Variants in CSMD1 observed in about 807,000 individuals in gnomAD.
CSMD1 encodes CUB and sushi domain-containing protein 1.
CSMD1 carries 213 observed loss-of-function variants against 417.5 expected under a neutral mutation model. The observed-to-expected ratio is 0.51, with a 90% CI of 0.46 to 0.57. CSMD1 has a LOEUF of 0.57. Ranked by LOEUF, CSMD1 falls within the 20% of genes least tolerant of loss-of-function variation. The pLI, the probability that CSMD1 is intolerant of heterozygous loss-of-function variation, is 0.00. For synonymous variants in CSMD1, 2,862 were observed against 1,736.8 expected (o/e 1.65, Z -16.11); for missense variants, 6,923 against 4,529.7 (o/e 1.53, Z -15.17).
chr8:3,134,466 A>C (rs1817967103), intron 41 of CSMD1, among the ~76,000 whole-genome samples: 1 of 152,220 alleles, frequency 6.6e-6, no homozygotes. Context: ...CACAGCCGTA[A>C]AACTTGAGAG....
In CSMD1 at chr8:3,284,167, G is replaced by C. The variant is rs1210337382; in HGVS notation, c.4130C>G (p.Ser1377Cys). 1.3e-6 allele frequency: 2 copies of C among 1,576,766 alleles called. No individual in the cohort carries two copies. The highest frequency in any genetic ancestry group is 2.3e-5 in the South Asian group (2 of 86,426). ...ACTGGAGAACTGGATGGAGAAGCCA[G>C]ACTTGCTGATGAAGAAGTCGCTGTC... Reference protein sequence around the residue: ...QFDSDFFISKSGFSIQFSTSI... With the variant: ...QFDSDFFISKCGFSIQFSTSI... The change falls in exon 26 of 70, where the codon TCT (serine) becomes TGT (cysteine). Residue 1377 changes from serine (S) to cysteine (C), a missense_variant. Transcript: ENST00000635120.
chr8:3,262,215 A>ATC (rs1801129303), intron 26 of CSMD1, among the ~76,000 whole-genome samples: 7 of 128,854 alleles, frequency 5.4e-5, no homozygotes, highest in African/African-American at 2.2e-4. Flanking sequence ...ATATATATAT[A>ATC]TATATATATA....
intron 1 of CSMD1, among the ~76,000 whole-genome samples, chr8:4,715,712 G>A (rs1034384850): frequency 6.6e-6 from 1 of 152,000 alleles, no homozygotes; most frequent in African/African-American, 2.4e-5. Context: ...CAAACACCAA[G>A]GTATCACCCT....
intron 5 of CSMD1, among the ~76,000 whole-genome samples, chr8:3,995,631 T>C (rs928309683): frequency 4.6e-5 from 7 of 152,220 alleles, no homozygotes; most frequent in Admixed American, 3.9e-4. Flanking sequence ...TGCCATCTCT[T>C]GTCCTCTGCA....
intron 1 of CSMD1, among the ~76,000 whole-genome samples, chr8:4,825,989 G>A (rs567490629): frequency 1.3e-5 from 2 of 152,036 alleles, no homozygotes; most frequent in East Asian, 1.9e-4. Context: ...AAAAGAACAA[G>A]TGTTGGGGAG....
At chr8:4,130,707 A>G (rs1048057021) in intron 3 of CSMD1, among the ~76,000 whole-genome samples, 4 of 138,042 alleles carry the variant, frequency 2.9e-5, no homozygotes, top group African/African-American at 8.1e-5. Context: ...AGGGGAGTAG[A>G]TAACACATGA....
chr8:4,214,488 G>A (rs957608796), intron 3 of CSMD1, among the ~76,000 whole-genome samples: 1 of 152,108 alleles, frequency 6.6e-6, no homozygotes, highest in African/African-American at 2.4e-5. Flanking sequence ...GGTAGTGAAA[G>A]GGTCTTCCTC....
chr8:3,640,464 A>G (rs1797252657), intron 7 of CSMD1, among the ~76,000 whole-genome samples: 1 of 152,214 alleles, frequency 6.6e-6, no homozygotes, highest in Non-Finnish European at 1.5e-5. Context: ...TCAACTCTGG[A>G]AATAGTTGCT....
At chr8:2,996,092 C>T (rs529292817) in intron 54 of CSMD1, among the ~76,000 whole-genome samples, 26 of 151,988 alleles carry the variant, frequency 1.7e-4, no homozygotes, top group Admixed American at 9.2e-4. Context: ...CTAGTGCCTG[C>T]CTGGGAATCT....
intron 1 of CSMD1, among the ~76,000 whole-genome samples, chr8:4,812,030 C>T (rs1798937069): frequency 6.6e-6 from 1 of 152,100 alleles, no homozygotes. Flanking sequence ...GGAGTCAAGC[C>T]CAAGAAAAGA....
chr8:4,629,036 A>G (rs886976750), intron 2 of CSMD1, among the ~76,000 whole-genome samples: 11 of 152,190 alleles, frequency 7.2e-5, no homozygotes, highest in Non-Finnish European at 1.5e-5. Context: ...TTGTAGAGCT[A>G]ATATAATTTA....
At chr8:3,890,237 CTTG>C (rs1308109243) in intron 5 of CSMD1, among the ~76,000 whole-genome samples, 1 of 152,066 alleles carries the variant, frequency 6.6e-6, no homozygotes. Flanking sequence ...AAGAAATATT[CTTG>C]TTGTTCAAAC....
At chr8:4,592,917 G>A (rs773627114) in intron 2 of CSMD1, among the ~76,000 whole-genome samples, 2 of 151,804 alleles carry the variant, frequency 1.3e-5, no homozygotes, top group African/African-American at 2.4e-5. Context: ...TAGAAGTTTC[G>A]AATCAGCATT....
At chr8:2,983,732 A>T (rs142183902) in intron 54 of CSMD1, among the ~76,000 whole-genome samples, 11 of 152,336 alleles carry the variant, frequency 7.2e-5, no homozygotes, top group Admixed American at 6.5e-5. Context: ...AGTATAAGCA[A>T]CTATGATCGA....
intron 12 of CSMD1, among the ~76,000 whole-genome samples, chr8:3,418,683 G>A (rs1813306743): frequency 6.6e-6 from 1 of 152,102 alleles, no homozygotes; most frequent in Admixed American, 6.5e-5. Flanking sequence ...CCACTGCCCT[G>A]CACCAGAGCA....
chr8:4,323,537 G>T (rs1468419789), intron 3 of CSMD1, among the ~76,000 whole-genome samples: 3 of 152,046 alleles, frequency 2.0e-5, no homozygotes, highest in Non-Finnish European at 4.4e-5. Context: ...ATCCTGACCA[G>T]TGTGGGTGAT....
chr8:4,636,142 A>G (rs1323858631), intron 2 of CSMD1, among the ~76,000 whole-genome samples: 4 of 152,094 alleles, frequency 2.6e-5, no homozygotes, highest in Non-Finnish European at 4.4e-5. Context: ...TAAATGAAGC[A>G]TATGATTCTT....
intron 2 of CSMD1, among the ~76,000 whole-genome samples, chr8:4,568,298 A>AG (rs1267867327): frequency 6.6e-6 from 1 of 151,942 alleles, no homozygotes; most frequent in Admixed American, 6.6e-5. Context: ...ACCACCCGAA[A>AG]GGCCCGTCTA....
chr8:3,263,696 C>T (rs187537520), intron 26 of CSMD1, among the ~76,000 whole-genome samples: 1 of 152,128 alleles, frequency 6.6e-6, no homozygotes, highest in Non-Finnish European at 1.5e-5. Flanking sequence ...GAATACTGTT[C>T]ACAATAGTAT....
Sources: gnomAD v4.1 joint callset for allele counts (sites outside exome capture counted in the v4.1 genomes callset) on GRCh38, gnomAD v4.1.1 for gene constraint, MANE v1.5 for transcripts, NCBI Gene and HGNC (gene_info 2026-07-23, HGNC 2026-07-21) for gene names.